Variants in TSPAN15 observed in about 807,000 individuals in gnomAD.
TSPAN15 encodes the protein tetraspanin-15.
Under a neutral mutation model 34.5 loss-of-function variants are expected in TSPAN15, and 20 were observed. The ratio of observed to expected loss-of-function variants is 0.58; its 90% CI spans 0.41 to 0.84. TSPAN15 has a LOEUF of 0.84. TSPAN15 is among the 40% of genes least tolerant of loss of function. TSPAN15 has a pLI of 0.00. For missense variants in TSPAN15, 313 were observed against 386.1 expected (o/e 0.81, Z 1.59); for synonymous variants, 155 against 153.9 (o/e 1.01, Z -0.05).
chr10:69,545,753 G>A, the TSPAN15 span, among the ~76,000 whole-genome samples: 7 of 152,044 alleles, frequency 4.6e-5, no homozygotes, highest in African/African-American at 9.7e-5. Context: ...TCAGGAGTTC[G>A]AGACTAGCCT....
At chr10:69,475,098 A>G (rs1351910834) in intron 1 of TSPAN15, among the ~76,000 whole-genome samples, 13 of 152,192 alleles carry the variant, frequency 8.5e-5, no homozygotes, top group African/African-American at 2.9e-4. Flanking sequence ...AGAGACAGAG[A>G]GGTCTGGAGA....
intron 1 of TSPAN15, among the ~76,000 whole-genome samples, chr10:69,457,103 C>A (rs1841128707): frequency 2.0e-5 from 3 of 152,336 alleles, no homozygotes; most frequent in Admixed American, 2.0e-4. Context: ...TGGGGACACA[C>A]CTCTAATTTT....
chr10:69,493,339 C>T (rs1214412513), intron 3 of TSPAN15, among the ~76,000 whole-genome samples: 2 of 152,228 alleles, frequency 1.3e-5, no homozygotes, highest in Non-Finnish European at 2.9e-5. Flanking sequence ...TCACAGGAGC[C>T]TGCATCTCCT....
intron 1 of TSPAN15, among the ~76,000 whole-genome samples, chr10:69,456,291 T>C (rs1841108056): frequency 6.6e-6 from 1 of 152,162 alleles, no homozygotes; most frequent in Admixed American, 6.5e-5. Flanking sequence ...TTCTACCATG[T>C]TGACCAGACT....
At chr10:69,510,211 G>A (rs770291365), downstream of TSPAN15, among the ~76,000 whole-genome samples, 21 of 152,216 alleles carry the variant, frequency 1.4e-4, no homozygotes, top group Non-Finnish European at 2.6e-4. Context: ...CTAACCATGA[G>A]CAAGGAATGT....
intron 3 of TSPAN15, chr10:69,494,981 C>T: frequency 1.6e-6 from 1 of 642,280 alleles, no homozygotes; most frequent in African/African-American, 2.0e-5. Flanking sequence ...ATTGTCCCAG[C>T]CCTAGCCGAG....
At chr10:69,523,396 TG>T in the TSPAN15 span, 1 of 582,298 alleles carries the variant, frequency 1.7e-6, no homozygotes, top group Admixed American at 2.7e-5. Context: ...ACCCCAAGCC[TG>T]GTAGTAAAAG....
At chr10:69,475,378 A>T (rs1306404147) in intron 1 of TSPAN15, among the ~76,000 whole-genome samples, 1 of 152,160 alleles carries the variant, frequency 6.6e-6, no homozygotes, top group African/African-American at 2.4e-5. Flanking sequence ...GTCCAGTTGC[A>T]TGAAGTCAAA....
intron 1 of TSPAN15, among the ~76,000 whole-genome samples, chr10:69,455,628 C>CCCCCCG (rs1554830580): frequency 0.037 from 4,223 of 114,470 alleles, 261 homozygotes; most frequent in Non-Finnish European, 0.051. Flanking sequence ...CTCTCTCTCC[C>CCCCCCG]CCCCCCGTCT....
At chr10:69,530,836 A>C in the TSPAN15 span, among the ~76,000 whole-genome samples, 1,339 of 109,706 alleles carry the variant, frequency 0.012, 23 homozygotes, top group Middle Eastern at 0.013. Flanking sequence ...ATATATATAT[A>C]TATATATATA....
the TSPAN15 span, among the ~76,000 whole-genome samples, chr10:69,520,642 C>A: frequency 6.6e-6 from 1 of 152,190 alleles, no homozygotes; most frequent in East Asian, 1.9e-4. Flanking sequence ...GGCGACAGAG[C>A]AAGACCTTGT....
intron 5 of TSPAN15, among the ~76,000 whole-genome samples, chr10:69,500,121 G>T (rs1054553014): frequency 6.6e-6 from 1 of 152,178 alleles, no homozygotes; most frequent in African/African-American, 2.4e-5. Context: ...TGATCCAGGG[G>T]TCATAGGTCA....
chr10:69,542,600 G>A, the TSPAN15 span, among the ~76,000 whole-genome samples: 5 of 152,318 alleles, frequency 3.3e-5, no homozygotes, highest in East Asian at 9.6e-4. Flanking sequence ...CATGATGGAA[G>A]GGGAAGCAAA....
At chr10:69,494,924 G>A (rs879475907) in intron 3 of TSPAN15, 77 of 950,166 alleles carry the variant, frequency 8.1e-5, no homozygotes, top group East Asian at 1.2e-4. Flanking sequence ...TCCAGAAAGC[G>A]CAGCGTGACT....
chr10:69,508,963 C>G (rs573947324), downstream of TSPAN15, among the ~76,000 whole-genome samples: 1 of 152,244 alleles, frequency 6.6e-6, no homozygotes. Flanking sequence ...CTGCTGCAGC[C>G]TCTGTCTTGT....
intron 5 of TSPAN15, among the ~76,000 whole-genome samples, chr10:69,503,777 T>G (rs1842261077): frequency 6.6e-6 from 1 of 151,906 alleles, no homozygotes; most frequent in Non-Finnish European, 1.5e-5. Flanking sequence ...GGGGCACAGG[T>G]GGTGATGGGA....
intron 1 of TSPAN15, among the ~76,000 whole-genome samples, chr10:69,458,217 G>A (rs1406705412): frequency 1.3e-5 from 2 of 152,184 alleles, no homozygotes; most frequent in African/African-American, 4.8e-5. Context: ...ACTAGGTGAA[G>A]CCAGGCCAAA....
At chr10:69,482,553 G>C (rs12254260) in intron 1 of TSPAN15, among the ~76,000 whole-genome samples, 1 of 152,140 alleles carries the variant, frequency 6.6e-6, no homozygotes, top group Non-Finnish European at 1.5e-5. Context: ...CCCTGAGCAC[G>C]GGGTGACCTG....
chr10:69,471,425 C>T (rs763914106), intron 1 of TSPAN15, among the ~76,000 whole-genome samples: 1 of 152,174 alleles, frequency 6.6e-6, no homozygotes, highest in Non-Finnish European at 1.5e-5. Context: ...TCTTGGCAGC[C>T]AGACGTTAAC....
Sources: allele counts gnomAD v4.1 joint callset (sites outside exome capture counted in the v4.1 genomes callset), GRCh38; gene constraint gnomAD v4.1.1; transcripts MANE v1.5; gene names NCBI Gene and HGNC (gene_info 2026-07-23, HGNC 2026-07-21).